The following NINJ1 variants were observed in gnomAD, a reference collection of about 807,000 sequenced individuals.
NINJ1 encodes the protein ninjurin-1.
Under a neutral mutation model 12.7 loss-of-function variants are expected in NINJ1, and 6 were observed. The observed-to-expected ratio is 0.47, with a 90% confidence interval of 0.26 to 0.93. The LOEUF is 0.93. NINJ1 is among the 40% of genes least tolerant of loss of function. The pLI, the probability that NINJ1 is intolerant of heterozygous loss-of-function variation, is 0.15. For synonymous variants in NINJ1, 100 were observed against 96.0 expected (o/e 1.04, Z -0.25); for missense variants, 170 against 213.0 (o/e 0.80, Z 1.26).
intron 1 of NINJ1, among the ~76,000 whole-genome samples, chr9:93,126,878 T>C (rs60629714): frequency 0.21 from 31,764 of 152,084 alleles, 3,562 homozygotes; most frequent in African/African-American, 0.27. Context: ...ATAGCAACCT[T>C]AGCACACGCA....
At chr9:93,128,367 A>C (rs1827843265) in intron 1 of NINJ1, among the ~76,000 whole-genome samples, 1 of 152,168 alleles carries the variant, frequency 6.6e-6, no homozygotes, top group East Asian at 1.9e-4. Flanking sequence ...CATTCTACAG[A>C]CCAGCAGATT....
In NINJ1 at chr9:93,130,009, C is replaced by G. The variant is rs371762228; in HGVS notation, c.76-3371G>C. ...GACCCAGCTACCACAGGTGAGGGAG[C>G]CCTGTGGTCCTGACCAGCCAGCAGG... On this transcript the variant is annotated intron_variant, in intron 1 of 3. Transcript: ENST00000375446. Among the ~76,000 whole-genome samples, 6 of 152,338 alleles carry G rather than the reference C, an allele frequency of 3.9e-5. No homozygotes were observed. In the East Asian group the frequency reaches 9.6e-4, roughly 24 times the overall value.
At chr9:93,129,015 C>T (rs913516822) in intron 1 of NINJ1, among the ~76,000 whole-genome samples, 5 of 152,214 alleles carry the variant, frequency 3.3e-5, no homozygotes, top group African/African-American at 1.2e-4. Flanking sequence ...AAATATTTCA[C>T]AGCCATGCAG....
intron 3 of NINJ1, among the ~76,000 whole-genome samples, chr9:93,122,543 C>T (rs756479083): frequency 2.6e-5 from 4 of 152,118 alleles, no homozygotes; most frequent in Non-Finnish European, 5.9e-5. Flanking sequence ...CATTTGCACA[C>T]CCGGACTCAG....
intron 1 of NINJ1, 61 bp downstream of exon 1, chr9:93,134,082 C>T: frequency 7.4e-7 from 1 of 1,346,470 alleles, no homozygotes; most frequent in South Asian, 1.4e-5. Flanking sequence ...CCCGGGGAGC[C>T]GCGGCGCCCC....
intron 2 of NINJ1, 165 bp downstream of exon 2, chr9:93,126,245 G>C: frequency 1.7e-6 from 1 of 573,550 alleles, no homozygotes; most frequent in Non-Finnish European, 3.0e-6. Context: ...GGTGGGGGGA[G>C]GGGGGGTGCC....
chr9:93,125,915 A>AAAACG, intron 2 of NINJ1: 1 of 160,684 alleles, frequency 6.2e-6, no homozygotes. Flanking sequence ...AAAACAAAAC[A>AAAACG]AAACAAGGCT....
intron 1 of NINJ1, among the ~76,000 whole-genome samples, chr9:93,128,273 G>A (rs1038490463): frequency 2.6e-5 from 4 of 152,202 alleles, no homozygotes; most frequent in African/African-American, 9.6e-5. Context: ...CTCCCACCCT[G>A]GGCCTGACGC....
In NINJ1 at chr9:93,126,505, T is replaced by C. The variant is rs1288432995; in HGVS notation, c.209A>G (p.Gln70Arg). ...NASQLKAVVE[Q>R]GPSFAFYVPL... ...CACATAGAAGGCGAAGCTGGGGCCC[T>C]GTTCCACGACGGCCTTCAGCTGGGA... The change falls in exon 2 of 4, where the codon CAG becomes CGG. Residue 70 changes from glutamine (Q) to arginine (R), a missense_variant. By Grantham distance (43) the Gln-to-Arg change is conservative. Transcript: ENST00000375446. The C allele has an allele frequency of 6.2e-7, 1 of 1,614,052 alleles. No individual in the cohort carries two copies. The highest frequency in any genetic ancestry group is 1.7e-5 in the Admixed American group (1 of 59,996).
intron 1 of NINJ1, among the ~76,000 whole-genome samples, chr9:93,132,681 C>T (rs943843601): frequency 6.6e-6 from 1 of 152,220 alleles, no homozygotes; most frequent in Non-Finnish European, 1.5e-5. Context: ...CTTGGTGGGG[C>T]GGGGCTGTGT....
At position 93,121,581 on chromosome 9, in the gene NINJ1, C is replaced by A. The variant is rs1240860635; in HGVS notation, c.*659G>T. ...GGACCCCCGTGGAGGGGGTTGGGCT[C>A]TGCCCGGTCACTGCTGGTGCAGGGT... On this transcript the variant is annotated 3_prime_UTR_variant, in exon 4 of 4. Transcript: ENST00000375446. 1 of 152,454 alleles carries A rather than the reference C, an allele frequency of 6.6e-6. No homozygotes were observed. Among genetic ancestry groups the A allele is most frequent in the East Asian group, 1.9e-4 (1 of 5,198 alleles). 9.4% of individuals were successfully genotyped at this position (152,454 alleles called of 1,614,324 possible). A position where few individuals can be genotyped will look rare whatever the true frequency, so the allele number is the denominator to read the frequency against.
chr9:93,128,066 C>G (rs1827838564), intron 1 of NINJ1, among the ~76,000 whole-genome samples: 1 of 152,228 alleles, frequency 6.6e-6, no homozygotes, highest in Non-Finnish European at 1.5e-5. Context: ...CTGCTGCTTA[C>G]ACCTGGGCCT....
chr9:93,131,751 G>A (rs1827896131), intron 1 of NINJ1, among the ~76,000 whole-genome samples: 1 of 152,212 alleles, frequency 6.6e-6, no homozygotes, highest in African/African-American at 2.4e-5. Flanking sequence ...AGGGCCACAG[G>A]GGCGCAGGGC....
At chr9:93,129,414 G>A (rs567435237) in intron 1 of NINJ1, among the ~76,000 whole-genome samples, 15 of 152,262 alleles carry the variant, frequency 9.9e-5, no homozygotes, top group Non-Finnish European at 1.9e-4. Context: ...TCTGAGCCCC[G>A]AGTGGCCAGC....
intron 3 of NINJ1, 30 bp downstream of exon 3, chr9:93,124,869 G>A: frequency 2.5e-6 from 4 of 1,573,920 alleles, no homozygotes; most frequent in Non-Finnish European, 3.5e-6. Context: ...CCCCAGGACT[G>A]CAGGCCTCGC....
intron 2 of NINJ1, 162 bp downstream of exon 2, chr9:93,126,233 AGGGTGGGGGGAGGGG>A: frequency 2.0e-6 from 1 of 501,748 alleles, no homozygotes; most frequent in South Asian, 2.3e-5. Flanking sequence ...ACCAAAGTGC[AGGGTGGGGGGAGGGG>A]GGGTGCCACT....
rs1356928706 is a variant in NINJ1, at chr9:93,126,414, G to A, written c.300C>T (p.Phe100=). Residue 100 remains phenylalanine, a synonymous_variant, in exon 2 of 4, where the codon TTC becomes TTT. Coordinates refer to ENST00000375446, the MANE Select transcript of NINJ1 (RefSeq NM_004148.4). The part of the protein sequence containing the change: ...LQIGVGVLLI[F]LVKYDLNNPA... Reference sequence around the variant, plus strand: ...TGCCCCCACCTGGGGACCTACCAAGGAAGATGAGCAGCACCCCCACGCCGA... The same window carrying A: ...TGCCCCCACCTGGGGACCTACCAAGAAAGATGAGCAGCACCCCCACGCCGA... 6.2e-7 allele frequency: 1 copy of A among 1,612,560 alleles called. No individual in the cohort carries two copies.
At chr9:93,132,847 G>A (rs922903183) in intron 1 of NINJ1, among the ~76,000 whole-genome samples, 1 of 152,260 alleles carries the variant, frequency 6.6e-6, no homozygotes, top group African/African-American at 2.4e-5. Context: ...GGCATTGCCC[G>A]GGCAAGGTCA....
In NINJ1 at chr9:93,126,609, G is replaced by A. The variant is rs547110787; in HGVS notation, c.105C>T (p.Pro35=). ...SPARWGWRHG[P]INVNHYASKK... Reference sequence around the variant, plus strand: ...TGCTGGCGTAATGGTTCACGTTGATGGGCCCGTGCCTCCAGCCCCAGCGGG... The same window carrying A: ...TGCTGGCGTAATGGTTCACGTTGATAGGCCCGTGCCTCCAGCCCCAGCGGG... Residue 35 remains proline (P), a synonymous_variant, in exon 2 of 4, where the codon CCC becomes CCT. Coordinates refer to ENST00000375446, the MANE Select transcript of NINJ1 (RefSeq NM_004148.4). 55 of 1,610,438 alleles carry A rather than the reference G, an allele frequency of 3.4e-5. No homozygotes were observed. The East Asian group carries it at 8.5e-4, about 25-fold the overall frequency.
Sources: gnomAD v4.1 joint callset for allele counts (sites outside exome capture counted in the v4.1 genomes callset) on GRCh38, gnomAD v4.1.1 for gene constraint, MANE v1.5 for transcripts, NCBI Gene and HGNC (gene_info 2026-07-23, HGNC 2026-07-21) for gene names.